ASTN2: variants seen among roughly 807,000 people sequenced by gnomAD.
ASTN2 encodes astrotactin-2.
ASTN2 carries 54 observed loss-of-function variants against 139.8 expected under a neutral mutation model. The ratio of observed to expected loss-of-function variants is 0.39; its 90% CI spans 0.31 to 0.48. The LOEUF (loss-of-function observed/expected upper bound fraction) is 0.48, where lower values mean the gene tolerates loss of function less well. Among genes scored for constraint, ASTN2 ranks in the 20% least tolerant of loss-of-function variants. The pLI is 0.95. For missense variants in ASTN2, 1,565 were observed against 1,725.1 expected (o/e 0.91, Z 1.64); for synonymous variants, 756 against 719.5 (o/e 1.05, Z -0.81).
chr9:116,792,858 A>G (rs1053564660), intron 13 of ASTN2, among the ~76,000 whole-genome samples: 4 of 152,166 alleles, frequency 2.6e-5, no homozygotes, highest in Non-Finnish European at 4.4e-5. Flanking sequence ...TCCATCTAGC[A>G]TTTAAGTTCA....
intron 10 of ASTN2, among the ~76,000 whole-genome samples, chr9:116,881,681 T>G (rs1282718597): frequency 6.6e-6 from 1 of 152,228 alleles, no homozygotes; most frequent in African/African-American, 2.4e-5. Context: ...GACAGGCTAG[T>G]GGAAAGTGCA....
intron 19 of ASTN2, among the ~76,000 whole-genome samples, chr9:116,542,602 T>C (rs1174003451): frequency 6.6e-6 from 1 of 152,172 alleles, no homozygotes; most frequent in African/African-American, 2.4e-5. Context: ...GAATCATCAG[T>C]CCCATCCATC....
chr9:116,448,737 T>G (rs2118910271), intron 20 of ASTN2, among the ~76,000 whole-genome samples: 1 of 152,274 alleles, frequency 6.6e-6, no homozygotes, highest in East Asian at 1.9e-4. Context: ...GAGAATGAAA[T>G]CAGAATGCAA....
intron 1 of ASTN2, among the ~76,000 whole-genome samples, chr9:117,318,706 C>T (rs1423449328): frequency 6.6e-6 from 1 of 152,186 alleles, no homozygotes; most frequent in African/African-American, 2.4e-5. Flanking sequence ...AGAATGAACA[C>T]ATCCAATGTC....
intron 20 of ASTN2, among the ~76,000 whole-genome samples, chr9:116,451,285 CTTAAAA>C (rs1387510254): frequency 6.6e-6 from 1 of 152,172 alleles, no homozygotes; most frequent in Non-Finnish European, 1.5e-5. Context: ...AGTATTAACA[CTTAAAA>C]TTAAATACAT....
intron 2 of ASTN2, among the ~76,000 whole-genome samples, chr9:117,268,183 T>A (rs1833979367): frequency 6.6e-6 from 1 of 152,204 alleles, no homozygotes; most frequent in Non-Finnish European, 1.5e-5. Context: ...GTCCATTAGC[T>A]TTCTGTGGGT....
chr9:117,141,493 T>G lies in ASTN2; in HGVS notation c.1016-15A>C, dbSNP rs1830074686. ...CTCAGCTGCTGCTATAAGGTAGCAATGGGGCTGAGGTTAGGGCTTGAGCCC... is the reference window on the plus strand; with the variant it reads ...CTCAGCTGCTGCTATAAGGTAGCAAGGGGGCTGAGGTTAGGGCTTGAGCCC... On this transcript the variant is annotated splice_polypyrimidine_tract_variant and intron_variant, in intron 3 of 22. Coordinates refer to ENST00000313400, the MANE Select transcript of ASTN2 (RefSeq NM_001365068.1). The G allele has an allele frequency of 7.3e-7, 1 of 1,365,740 alleles. No homozygotes were observed. Among genetic ancestry groups the G allele is most frequent in the Admixed American group, 1.9e-5 (1 of 52,524 alleles). 84.6% of individuals were successfully genotyped at this position (1,365,740 alleles called of 1,614,324 possible).
chr9:117,041,824 C>A (rs983806067), intron 5 of ASTN2, among the ~76,000 whole-genome samples: 1 of 152,116 alleles, frequency 6.6e-6, no homozygotes, highest in African/African-American at 2.4e-5. Flanking sequence ...AGGTGTTTTT[C>A]CTTTTGGATA....
chr9:117,045,730 C>T (rs1287031003), intron 5 of ASTN2, among the ~76,000 whole-genome samples: 1 of 152,138 alleles, frequency 6.6e-6, no homozygotes, highest in African/African-American at 2.4e-5. Context: ...CTAACCCCAT[C>T]AGACCCTTGT....
intron 16 of ASTN2, among the ~76,000 whole-genome samples, chr9:116,677,643 T>C (rs1859591808): frequency 6.6e-6 from 1 of 152,160 alleles, no homozygotes; most frequent in South Asian, 2.1e-4. Flanking sequence ...GATGGGCTGA[T>C]TACAAAATGG....
intron 10 of ASTN2, among the ~76,000 whole-genome samples, chr9:116,876,058 TG>T (rs1473481280): frequency 6.6e-6 from 1 of 152,236 alleles, no homozygotes; most frequent in Non-Finnish European, 1.5e-5. Flanking sequence ...CTGATGGATC[TG>T]GGTAAAATAA....
chr9:116,683,745 T>C (rs1390133099), intron 16 of ASTN2, among the ~76,000 whole-genome samples: 1 of 152,246 alleles, frequency 6.6e-6, no homozygotes, highest in Non-Finnish European at 1.5e-5. Context: ...TGTTTCTCTC[T>C]ACCTGATTTC....
At chr9:116,574,334 T>C (rs73655414) in intron 19 of ASTN2, among the ~76,000 whole-genome samples, 24,561 of 152,154 alleles carry the variant, frequency 0.16, 2,173 homozygotes, top group African/African-American at 0.22. Context: ...GTAGGAAATG[T>C]GGCCTTTTTT....
chr9:117,101,843 C>T (rs1188188180), intron 4 of ASTN2, among the ~76,000 whole-genome samples: 1 of 152,072 alleles, frequency 6.6e-6, no homozygotes, highest in Non-Finnish European at 1.5e-5. Flanking sequence ...CACATCATAC[C>T]CACTAGGTGG....
chr9:117,409,792 A>G (rs1831111290), intron 1 of ASTN2, among the ~76,000 whole-genome samples: 2 of 152,146 alleles, frequency 1.3e-5, no homozygotes, highest in African/African-American at 4.8e-5. Flanking sequence ...CATTGTTGAC[A>G]TTTAAAGGAA....
chr9:116,960,464 C>G (rs962376447), intron 10 of ASTN2, among the ~76,000 whole-genome samples: 1 of 82,848 alleles, frequency 1.2e-5, no homozygotes, highest in African/African-American at 4.4e-5. Flanking sequence ...ATCATACCTT[C>G]TAGGCCTGAT....
Position 116,725,833 on chromosome 9 carries a change from G to C in ASTN2, c.2744C>G (p.Thr915Ser), listed in dbSNP as rs965616986. The change falls in exon 16 of 23, where the codon ACC becomes AGC. Residue 915 changes from threonine (T) to serine (S), a missense_variant. Around this residue, in one of 4 missense-constraint regions of ASTN2, gnomAD observed 48 missense variants for 90.7 expected, o/e 0.53. Transcript: ENST00000313400. ...IAEALYGSEL[T>S]CIIHFPSKKV... Reference sequence around the variant, plus strand: ...CTTGCTGGGAAAGTGGATGATGCAGGTGAGCTCTGAGCCATAGAGGGCCTC... The same window carrying C: ...CTTGCTGGGAAAGTGGATGATGCAGCTGAGCTCTGAGCCATAGAGGGCCTC... 6.2e-7 allele frequency: 1 copy of C among 1,613,872 alleles called. No homozygotes were observed. Among genetic ancestry groups the C allele is most frequent in the African/African-American group, 1.3e-5 (1 of 74,902 alleles).
intron 1 of ASTN2, among the ~76,000 whole-genome samples, chr9:117,303,799 T>C (rs1260450716): frequency 6.6e-6 from 1 of 152,152 alleles, no homozygotes; most frequent in Non-Finnish European, 1.5e-5. Context: ...AAGAGGTGAG[T>C]CTGTTTTTCC....
At chr9:116,836,570 A>AGTTTT (rs59997144) in intron 11 of ASTN2, among the ~76,000 whole-genome samples, 6,861 of 150,448 alleles carry the variant, frequency 0.046, 181 homozygotes, top group African/African-American at 0.062. Flanking sequence ...TAGGGAGAGC[A>AGTTTT]GTTTTGTTTT....
Sources: allele counts gnomAD v4.1 joint callset (sites outside exome capture counted in the v4.1 genomes callset), GRCh38; gene constraint gnomAD v4.1.1; regional missense constraint gnomAD v4.1.1; transcripts MANE v1.5; gene names NCBI Gene and HGNC (gene_info 2026-07-23, HGNC 2026-07-21).